AADAC: variants seen among roughly 807,000 people sequenced by gnomAD.
The protein encoded by AADAC is arylacetamide deacetylase (esterase).
Under a neutral mutation model 22.7 loss-of-function variants are expected in AADAC, and 17 were observed. That is an observed-to-expected ratio of 0.75 (90% CI 0.51 to 1.12). The LOEUF (loss-of-function observed/expected upper bound fraction) is 1.12. AADAC is among the 50% of genes most tolerant of loss of function. The pLI is 0.00. For synonymous variants in AADAC, 167 were observed against 176.3 expected, an observed-to-expected ratio of 0.95 and a Z score of 0.42; for missense variants, 465 against 473.9, an observed-to-expected ratio of 0.98 and a Z score of 0.17.
intron 1 of AADAC, among the ~76,000 whole-genome samples, chr3:151,816,701 T>A (rs1457394545): frequency 1.3e-5 from 2 of 152,008 alleles, no homozygotes; most frequent in African/African-American, 2.4e-5. Flanking sequence ...TATACATTTT[T>A]AGCATACATA....
chr3:151,814,197 G>C lies in AADAC; in HGVS notation c.35G>C (p.Gly12Ala). The change falls in exon 1 of 5, where the codon GGG becomes GCG. Residue 12 changes from glycine (G) to alanine (A), a missense_variant. Gly to Ala is a moderately conservative substitution (Grantham distance 60, BLOSUM62 0). Transcript: ENST00000232892. ...AAATCGCTGTACCTTCTGATTGTGG[G>C]GATCCTCATAGCATATTATATTTAT... is the stretch of plus-strand genomic sequence containing the variant. The part of the protein sequence containing the change: ...GRKSLYLLIV[G>A]ILIAYYIYTP... 1 of 1,613,278 alleles carries C rather than the reference G, an allele frequency of 6.2e-7. No homozygotes were observed. Among genetic ancestry groups the C allele is most frequent in the Non-Finnish European group, 8.5e-7 (1 of 1,179,528 alleles).
At chr3:151,820,587 G>A (rs1445079912) in intron 3 of AADAC, 135 bp downstream of exon 3, 7 of 451,100 alleles carry the variant, frequency 1.6e-5, no homozygotes, top group Admixed American at 4.6e-5. Context: ...GCAGGATCTC[G>A]GCTCCCTGCA....
At chr3:151,818,853 G>C (rs1044104696) in intron 2 of AADAC, among the ~76,000 whole-genome samples, 11 of 151,930 alleles carry the variant, frequency 7.2e-5, no homozygotes, top group African/African-American at 2.7e-4. Context: ...GGAAGCACTG[G>C]GATAAAAGTC....
At chr3:151,822,568 A>C (rs748704777) in intron 3 of AADAC, among the ~76,000 whole-genome samples, 9 of 152,092 alleles carry the variant, frequency 5.9e-5, no homozygotes, top group Non-Finnish European at 1.0e-4. Context: ...TCATTTGTTA[A>C]TAAAAGGACC....
chr3:151,816,780 A>G (rs1297237067), intron 1 of AADAC, among the ~76,000 whole-genome samples: 2 of 152,010 alleles, frequency 1.3e-5, no homozygotes, highest in African/African-American at 2.4e-5. Context: ...TACTATCTTG[A>G]GGTTACAGAA....
intron 2 of AADAC, 109 bp from the exon 3 acceptor site, chr3:151,820,274 A>G (rs1417502071): frequency 6.3e-6 from 4 of 634,280 alleles, no homozygotes; most frequent in African/African-American, 1.9e-5. Context: ...TTAAGGTAAA[A>G]TAGAACTGCC....
At chr3:151,820,516 C>CTTTCT in intron 3 of AADAC, 64 bp downstream of exon 3, 12 of 411,176 alleles carry the variant, frequency 2.9e-5, no homozygotes, top group Non-Finnish European at 4.2e-5. Flanking sequence ...TCTCAGCTTT[C>CTTTCT]TTTTTTTTTT....
rs1220483140 is a variant in AADAC, at chr3:151,827,829, T to A, written c.857T>A (p.Leu286Gln). 11 of 1,613,354 alleles carry A rather than the reference T, an allele frequency of 6.8e-6. No individual in the cohort carries two copies. The highest frequency in any genetic ancestry group is 8.5e-6 in the Non-Finnish European group (10 of 1,179,608). The change falls in exon 5 of 5, where the codon CTG becomes CAG. Residue 286 changes from leucine (L) to glutamine (Q), a missense_variant. Transcript: ENST00000232892. ...TTCAAATTTGTTAATTGGAGTTCCC[T>A]GCTCCCTGAGAGGTTTATAAAAGGA... ...HLFKFVNWSS[L>Q]LPERFIKGHV...
At chr3:151,814,357 A>T (rs1395170947) in intron 1 of AADAC, 57 bp downstream of exon 1, 7 of 1,506,632 alleles carry the variant, frequency 4.6e-6, no homozygotes, top group Non-Finnish European at 4.5e-6. Flanking sequence ...GACCCAGAGA[A>T]TTAAGTTTTT....
intron 4 of AADAC, among the ~76,000 whole-genome samples, chr3:151,825,692 T>C (rs1716462108): frequency 6.6e-6 from 1 of 150,610 alleles, no homozygotes; most frequent in Non-Finnish European, 1.5e-5. Context: ...AATGGCAATA[T>C]AATAATAATA....
chr3:151,824,635 A>C (rs773008133), intron 3 of AADAC, 28 bp from the exon 4 acceptor site: 1 of 1,452,178 alleles, frequency 6.9e-7, no homozygotes, highest in Non-Finnish European at 9.1e-7. Flanking sequence ...AAACAAAAAA[A>C]TGTGTAAACT....
intron 2 of AADAC, among the ~76,000 whole-genome samples, chr3:151,818,700 T>A (rs1360622709): frequency 6.6e-6 from 1 of 152,148 alleles, no homozygotes; most frequent in African/African-American, 2.4e-5. Flanking sequence ...ACTCACTGTG[T>A]ATCAAGAAAC....
intron 4 of AADAC, among the ~76,000 whole-genome samples, chr3:151,826,588 T>A (rs879555712): frequency 6.6e-6 from 1 of 151,982 alleles, no homozygotes; most frequent in Non-Finnish European, 1.5e-5. Flanking sequence ...ACATCTTTTA[T>A]AGTATATTAC....
At chr3:151,818,488 C>T (rs1469738510) in intron 2 of AADAC, among the ~76,000 whole-genome samples, 1 of 151,950 alleles carries the variant, frequency 6.6e-6, no homozygotes, top group Admixed American at 6.6e-5. Context: ...CAGAGAGTCA[C>T]CAGCGCTGCC....
chr3:151,815,343 C>T (rs1473260807), intron 1 of AADAC, among the ~76,000 whole-genome samples: 1 of 151,974 alleles, frequency 6.6e-6, no homozygotes, highest in East Asian at 1.9e-4. Flanking sequence ...AGTAAAAACA[C>T]CCCAGCTACA....
chr3:151,820,551 C>G, intron 3 of AADAC, 99 bp downstream of exon 3: 1 of 713,858 alleles, frequency 1.4e-6, no homozygotes, highest in Non-Finnish European at 2.0e-6. Flanking sequence ...GGAGTCTCAC[C>G]CTGTCACCCA....
At chr3:151,819,374 A>G (rs1194649215) in intron 2 of AADAC, among the ~76,000 whole-genome samples, 7 of 152,026 alleles carry the variant, frequency 4.6e-5, no homozygotes, top group African/African-American at 1.4e-4. Context: ...TGAACTTTCT[A>G]TGTTAATATT....
chr3:151,817,669 C>T, intron 2 of AADAC, 81 bp downstream of exon 2: 3 of 1,242,468 alleles, frequency 2.4e-6, no homozygotes, highest in East Asian at 2.3e-5. Flanking sequence ...TACACATGCC[C>T]TTCGGCATGG....
rs779223623 is a variant in AADAC at position 151,824,701 on chromosome 3, T to C, written c.470T>C (p.Phe157Ser). 1.9e-5 allele frequency: 31 copies of C among 1,591,490 alleles called. No individual in the cohort carries two copies. Among genetic ancestry groups the C allele is most frequent in the Non-Finnish European group, 2.5e-5 (29 of 1,170,538 alleles). ...CCTAAGTATCATTTCCCAATTCAAT[T>C]TGAAGATGTATATAATGCCTTAAGG... ...LAPKYHFPIQ[F>S]EDVYNALRWF... Residue 157 changes from phenylalanine to serine, a missense_variant, in exon 4 of 5, where the codon TTT becomes TCT. Transcript: ENST00000232892.
Sources: gnomAD v4.1 joint callset for allele counts (sites outside exome capture counted in the v4.1 genomes callset) on GRCh38, gnomAD v4.1.1 for gene constraint, MANE v1.5 for transcripts, NCBI Gene and HGNC (gene_info 2026-07-23, HGNC 2026-07-21) for gene names.